CNTN4: variants seen among roughly 807,000 people sequenced by gnomAD.
CNTN4 encodes contactin 4.
CNTN4 carries 77 observed loss-of-function variants against 122.5 expected under a neutral mutation model. The ratio of observed to expected loss-of-function variants is 0.63; its 90% CI spans 0.52 to 0.76. The LOEUF (loss-of-function observed/expected upper bound fraction) is 0.76. CNTN4 is among the 30% of genes least tolerant of loss of function. The probability of loss-of-function intolerance (pLI) is 0.00; values close to 1 mark genes in which losing one functional copy is unlikely to be tolerated. For synonymous variants in CNTN4, 512 were observed against 447.0 expected, an observed-to-expected ratio of 1.15 and a Z score of -1.83; for missense variants, 1,256 against 1,259.1, an observed-to-expected ratio of 1.00 and a Z score of 0.04.
chr3:2,992,672 A>T (rs973593), intron 14 of CNTN4, among the ~76,000 whole-genome samples: 1 of 151,868 alleles, frequency 6.6e-6, no homozygotes, highest in African/African-American at 2.4e-5. Context: ...AACTATGTTA[A>T]TAGCAACCCT....
At position 2,461,524 on chromosome 3, in the gene CNTN4, C is replaced by T. The variant is rs369754089; in HGVS notation, c.-88-109892C>T. ...CTAAGCGGTAGATCCAGGGCTCCCACCCACGTGGTCTGATTCTAGAACCTG... is the reference window on the plus strand; with the variant it reads ...CTAAGCGGTAGATCCAGGGCTCCCATCCACGTGGTCTGATTCTAGAACCTG... On this transcript the variant is annotated intron_variant, in intron 3 of 24. Coordinates refer to ENST00000418658, the MANE Select transcript of CNTN4 (RefSeq NM_175607.3). Among the ~76,000 whole-genome samples the T allele has an allele frequency of 2.2e-4, 33 of 152,266 alleles. No individual in the cohort carries two copies. The East Asian group carries it at 2.9e-3, about 13-fold the overall frequency.
At chr3:2,755,568 T>C (rs867147639) in intron 6 of CNTN4, among the ~76,000 whole-genome samples, 2 of 152,182 alleles carry the variant, frequency 1.3e-5, no homozygotes, top group African/African-American at 4.8e-5. Context: ...TGGGTGTCTA[T>C]TGAAAATTTC....
chr3:2,165,842 T>A (rs998370611), intron 2 of CNTN4, among the ~76,000 whole-genome samples: 2 of 152,174 alleles, frequency 1.3e-5, no homozygotes, highest in Non-Finnish European at 2.9e-5. Flanking sequence ...TCTAGGCTCA[T>A]TGATGTTGCA....
chr3:2,302,518 G>A (rs186265770), intron 2 of CNTN4, among the ~76,000 whole-genome samples: 5 of 152,192 alleles, frequency 3.3e-5, no homozygotes, highest in South Asian at 4.1e-4. Context: ...TAATCTTAAC[G>A]TGAGCTAACT....
intron 3 of CNTN4, among the ~76,000 whole-genome samples, chr3:2,360,052 C>A (rs17194322): frequency 6.6e-6 from 1 of 152,184 alleles, no homozygotes; most frequent in Admixed American, 6.5e-5. Flanking sequence ...TCTGCCAGAT[C>A]TTCTCATAAG....
chr3:2,371,291 T>C (rs2045623569), intron 3 of CNTN4, among the ~76,000 whole-genome samples: 1 of 152,190 alleles, frequency 6.6e-6, no homozygotes, highest in Non-Finnish European at 1.5e-5. Context: ...ATTCAACTCT[T>C]TCTTTTGTAG....
intron 2 of CNTN4, among the ~76,000 whole-genome samples, chr3:2,147,104 C>T (rs2125379167): frequency 6.6e-6 from 1 of 152,230 alleles, no homozygotes; most frequent in African/African-American, 2.4e-5. Flanking sequence ...TGGTCTTGAT[C>T]TCTTGACCTC....
intron 2 of CNTN4, among the ~76,000 whole-genome samples, chr3:2,115,506 C>G (rs143628326): frequency 2.0e-4 from 31 of 152,356 alleles, no homozygotes; most frequent in Non-Finnish European, 4.3e-4. Context: ...CAGCACGAGA[C>G]ACACAAGTTA....
chr3:2,135,023 C>T (rs1180345297), intron 2 of CNTN4, among the ~76,000 whole-genome samples: 1 of 152,116 alleles, frequency 6.6e-6, no homozygotes, highest in East Asian at 1.9e-4. Context: ...CATCACAGCC[C>T]CTTACAACAA....
At chr3:2,404,252 T>C (rs547424522) in intron 3 of CNTN4, among the ~76,000 whole-genome samples, 165 of 152,292 alleles carry the variant, frequency 1.1e-3, no homozygotes, top group African/African-American at 3.8e-3. Flanking sequence ...GATCTCTGCT[T>C]AGGGTCTCAC....
chr3:2,311,138 C>T (rs954128894), intron 2 of CNTN4, among the ~76,000 whole-genome samples: 3 of 152,022 alleles, frequency 2.0e-5, no homozygotes, highest in Non-Finnish European at 4.4e-5. Context: ...TTGGATCTGA[C>T]AAAATTCAAT....
intron 3 of CNTN4, among the ~76,000 whole-genome samples, chr3:2,469,432 A>G (rs1462808963): frequency 1.3e-5 from 2 of 152,220 alleles, no homozygotes; most frequent in African/African-American, 4.8e-5. Context: ...ATAGCTGAAC[A>G]TGATGCCTTA....
At chr3:2,884,323 C>G (rs1042071404) in intron 9 of CNTN4, among the ~76,000 whole-genome samples, 1 of 152,058 alleles carries the variant, frequency 6.6e-6, no homozygotes. Context: ...GAAGAGGTTC[C>G]TTTTTCCATT....
At chr3:2,888,144 T>A (rs866705210) in intron 10 of CNTN4, among the ~76,000 whole-genome samples, 17 of 152,194 alleles carry the variant, frequency 1.1e-4, no homozygotes, top group African/African-American at 4.1e-4. Flanking sequence ...TAATTCTTCT[T>A]CCAAAGCATT....
chr3:2,146,369 A>G (rs1315852571), intron 2 of CNTN4, among the ~76,000 whole-genome samples: 1 of 151,874 alleles, frequency 6.6e-6, no homozygotes, highest in Admixed American at 6.6e-5. Context: ...TGTTGTAGAT[A>G]GATATTACTA....
chr3:2,118,979 G>C (rs1308777268), intron 2 of CNTN4, among the ~76,000 whole-genome samples: 1 of 152,154 alleles, frequency 6.6e-6, no homozygotes, highest in East Asian at 1.9e-4. Context: ...TGTCAACCAG[G>C]CTAGGTCTGG....
chr3:2,696,771 T>C (rs2086056907), intron 4 of CNTN4, among the ~76,000 whole-genome samples: 1 of 152,194 alleles, frequency 6.6e-6, no homozygotes, highest in Non-Finnish European at 1.5e-5. Context: ...CTGAATAAAG[T>C]AGCATATATG....
At chr3:2,429,455 A>T (rs371740363) in intron 3 of CNTN4, among the ~76,000 whole-genome samples, 117 of 152,244 alleles carry the variant, frequency 7.7e-4, no homozygotes, top group African/African-American at 2.7e-3. Flanking sequence ...TTCGTCTCAG[A>T]TGGGCACCCG....
intron 2 of CNTN4, among the ~76,000 whole-genome samples, chr3:2,328,126 TAC>T (rs887313930): frequency 1.3e-5 from 2 of 152,148 alleles, no homozygotes; most frequent in African/African-American, 2.4e-5. Context: ...CCATTAAAAA[TAC>T]ACAGTTTTGG....
Sources: gnomAD v4.1 joint callset for allele counts (sites outside exome capture counted in the v4.1 genomes callset) on GRCh38, gnomAD v4.1.1 for gene constraint, MANE v1.5 for transcripts, NCBI Gene and HGNC (gene_info 2026-07-23, HGNC 2026-07-21) for gene names.